The following KIF26B variants were observed in gnomAD, a reference collection of about 807,000 sequenced individuals.
KIF26B encodes the protein kinesin-like protein KIF26B.
In KIF26B, 63 loss-of-function variants were observed where a neutral mutation model predicts 151.2. The observed-to-expected ratio is 0.42, with a 90% CI of 0.34 to 0.51. The LOEUF is 0.51. Ranked by LOEUF, KIF26B falls within the 20% of genes least tolerant of loss-of-function variation. The probability of loss-of-function intolerance (pLI) is 0.07; values close to 1 mark genes in which losing one functional copy is unlikely to be tolerated. For synonymous variants in KIF26B, 1,357 were observed against 1,262.1 expected (o/e 1.08, Z -1.59); for missense variants, 2,813 against 2,913.6 (o/e 0.97, Z 0.79).
At chr1:245,385,558 G>A (rs1306288940) in intron 3 of KIF26B, among the ~76,000 whole-genome samples, 2 of 152,188 alleles carry the variant, frequency 1.3e-5, no homozygotes, top group African/African-American at 4.8e-5. Flanking sequence ...GCTCAGGACA[G>A]GATTATAAAG....
At chr1:245,618,141 G>A (rs932721808) in intron 9 of KIF26B, among the ~76,000 whole-genome samples, 4 of 152,182 alleles carry the variant, frequency 2.6e-5, no homozygotes, top group African/African-American at 4.8e-5. Flanking sequence ...GCTCCTCTCC[G>A]ATCGCCTCCT....
intron 2 of KIF26B, among the ~76,000 whole-genome samples, chr1:245,286,018 AAAAG>A (rs1346564899): frequency 2.0e-5 from 3 of 146,598 alleles, no homozygotes; most frequent in Non-Finnish European, 4.5e-5. Flanking sequence ...AAAAAAAAGG[AAAAG>A]AAAAAAGAAA....
chr1:245,329,342 A>G (rs1216543210), intron 2 of KIF26B, among the ~76,000 whole-genome samples: 1 of 152,234 alleles, frequency 6.6e-6, no homozygotes, highest in African/African-American at 2.4e-5. Context: ...CACAAGTCAG[A>G]GGGCCACGGC....
chr1:245,656,722 G>C (rs2044078567), intron 10 of KIF26B, among the ~76,000 whole-genome samples: 1 of 152,138 alleles, frequency 6.6e-6, no homozygotes. Context: ...AGCTTTAATA[G>C]AGCTTCAGTC....
chr1:245,552,120 AG>A (rs1309924605), intron 5 of KIF26B, among the ~76,000 whole-genome samples: 3 of 70,302 alleles, frequency 4.3e-5, no homozygotes, highest in African/African-American at 1.4e-4. Context: ...CAGAACCAGC[AG>A]GGTGTGTGTG....
Position 245,155,127 on chromosome 1 carries a change from G to A in KIF26B, c.-298G>A, listed in dbSNP as rs1407441082. The A allele has an allele frequency of 1.7e-5, 9 of 532,422 alleles. No individual in the cohort carries two copies. The highest frequency in any genetic ancestry group is 2.9e-5 in the Non-Finnish European group (9 of 308,402). 33.0% of individuals were successfully genotyped at this position (532,422 alleles called of 1,614,324 possible). A position where few individuals can be genotyped will look rare whatever the true frequency, so the allele number is the denominator to read the frequency against. The stretch of plus-strand genomic sequence containing the variant: ...ACGGACTGACTTGGCTGAAGAAAAT[G>A]CCAGTTCTGTGGATGTGGCCGTGAC... On this transcript the variant is annotated 5_prime_UTR_variant, in exon 1 of 15. An upstream start codon of the reference 5' UTR is lost. Coordinates refer to ENST00000407071, the MANE Select transcript of KIF26B (RefSeq NM_018012.4).
chr1:245,351,991 C>T (rs1672577979), intron 2 of KIF26B, among the ~76,000 whole-genome samples: 1 of 152,120 alleles, frequency 6.6e-6, no homozygotes, highest in South Asian at 2.1e-4. Flanking sequence ...AAAAACCTAC[C>T]TGTCTGCATT....
intron 2 of KIF26B, among the ~76,000 whole-genome samples, chr1:245,309,375 G>A (rs1279085084): frequency 1.3e-5 from 2 of 152,110 alleles, no homozygotes; most frequent in East Asian, 1.9e-4. Context: ...TGGCCTTCCC[G>A]TGAGTCAGAT....
chr1:245,538,863 A>G (rs9919317), intron 4 of KIF26B, among the ~76,000 whole-genome samples: 145,097 of 152,162 alleles, frequency 0.95, 69,549 homozygotes, highest in Non-Finnish European at 1. Context: ...AGAAGGTGCC[A>G]TGATGCCTTG....
intron 10 of KIF26B, among the ~76,000 whole-genome samples, chr1:245,675,066 TG>T (rs1441953083): frequency 6.6e-6 from 1 of 152,172 alleles, no homozygotes; most frequent in Admixed American, 6.5e-5. Context: ...TTTATTATGT[TG>T]GAAAGGAGAC....
intron 2 of KIF26B, among the ~76,000 whole-genome samples, chr1:245,187,662 G>A (rs1285498720): frequency 6.6e-6 from 1 of 152,196 alleles, no homozygotes; most frequent in Non-Finnish European, 1.5e-5. Context: ...TTAGGAGAAT[G>A]TGGATTGGAA....
At chr1:245,229,174 G>T (rs920169814) in intron 2 of KIF26B, among the ~76,000 whole-genome samples, 1 of 152,002 alleles carries the variant, frequency 6.6e-6, no homozygotes, top group African/African-American at 2.4e-5. Context: ...GTTTTACCAT[G>T]TTGGCCAGGC....
chr1:245,672,108 G>A (rs1195617502), intron 10 of KIF26B, among the ~76,000 whole-genome samples: 2 of 152,118 alleles, frequency 1.3e-5, no homozygotes, highest in Admixed American at 6.5e-5. Flanking sequence ...GAGCCCATCG[G>A]GCGAGCCCTG....
rs767030212 is a variant in KIF26B, at chr1:245,687,941, A to G, written c.4958A>G (p.Lys1653Arg). ...GKTKDASSSS[K>R]LFSAKLEQLA... ...ACGAAGGACGCCAGCAGCAGCAGCA[A>G]GCTCTTCAGTGCCAAGCTGGAGCAG... Residue 1653 changes from lysine to arginine, a missense_variant, in exon 12 of 15, where the codon AAG becomes AGG. Physicochemically the swap from Lys to Arg is conservative, Grantham distance 26. Around this residue, in one of 3 missense-constraint regions of KIF26B, gnomAD observed 2,060 missense variants for 2,088.6 expected, o/e 0.99. Coordinates refer to ENST00000407071, the MANE Select transcript of KIF26B (RefSeq NM_018012.4). This position sits in a 1 kb window ranked among gnomAD's most constrained non-coding sequence, Gnocchi z 4.9. 8.8e-6 allele frequency: 14 copies of G among 1,594,076 alleles called. No homozygotes were observed. The South Asian group carries it at 1.5e-4, about 17-fold the overall frequency.
chr1:245,263,968 A>G (rs1670697019), intron 2 of KIF26B, among the ~76,000 whole-genome samples: 1 of 152,212 alleles, frequency 6.6e-6, no homozygotes, highest in Non-Finnish European at 1.5e-5. Context: ...TCCAGTATGT[A>G]GATGATTCAA....
At chr1:245,232,596 G>A (rs376183360) in intron 2 of KIF26B, among the ~76,000 whole-genome samples, 1 of 150,832 alleles carries the variant, frequency 6.6e-6, no homozygotes, top group Non-Finnish European at 1.5e-5. Context: ...TGTTGCGCAG[G>A]CAGGAGTACA....
At chr1:245,410,600 C>T (rs1286230943) in intron 3 of KIF26B, among the ~76,000 whole-genome samples, 8 of 152,270 alleles carry the variant, frequency 5.3e-5, no homozygotes, top group African/African-American at 1.7e-4. Flanking sequence ...CAGGCGCGTG[C>T]CACCATGCCT....
chr1:245,300,371 T>C (rs974918818), intron 2 of KIF26B, among the ~76,000 whole-genome samples: 3 of 152,210 alleles, frequency 2.0e-5, no homozygotes, highest in South Asian at 2.1e-4. Flanking sequence ...TTGGACCCAG[T>C]AGAATTCTTG....
At chr1:245,521,286 G>C (rs557402045) in intron 4 of KIF26B, among the ~76,000 whole-genome samples, 3 of 151,186 alleles carry the variant, frequency 2.0e-5, no homozygotes, top group Non-Finnish European at 4.4e-5. Context: ...GCAGTGAGCC[G>C]AGATCGCACC....
Sources: allele counts gnomAD v4.1 joint callset (sites outside exome capture counted in the v4.1 genomes callset), GRCh38; gene constraint gnomAD v4.1.1; regional missense constraint gnomAD v4.1.1; non-coding constraint Gnocchi (gnomAD v3.1); transcripts MANE v1.5; gene names NCBI Gene and HGNC (gene_info 2026-07-23, HGNC 2026-07-21).